CATSPER3: variants seen among roughly 807,000 people sequenced by gnomAD.
The protein encoded by CATSPER3 is cation channel sperm associated 3.
CATSPER3 carries 23 observed loss-of-function variants against 36.6 expected under a neutral mutation model. The observed-to-expected ratio is 0.63, with a 90% CI of 0.45 to 0.89. The LOEUF is 0.89. Ranked by LOEUF, CATSPER3 falls within the 40% of genes least tolerant of loss-of-function variation. CATSPER3 has a pLI of 0.00. For synonymous variants in CATSPER3, 172 were observed against 184.1 expected (o/e 0.93, Z 0.53); for missense variants, 474 against 503.9 (o/e 0.94, Z 0.57).
intron 3 of CATSPER3, among the ~76,000 whole-genome samples, chr5:134,998,061 A>G (rs1234996562): frequency 6.6e-6 from 1 of 151,924 alleles, no homozygotes; most frequent in East Asian, 1.9e-4. Flanking sequence ...TCCTAATACT[A>G]TCCCTCCCCG....
intron 1 of CATSPER3, chr5:134,968,362 C>G: frequency 4.8e-6 from 2 of 418,534 alleles, no homozygotes; most frequent in South Asian, 4.4e-5. Context: ...CATCTCAAAT[C>G]AGATAATGAA....
At chr5:134,975,556 T>G (rs1218435531) in intron 2 of CATSPER3, among the ~76,000 whole-genome samples, 2 of 152,184 alleles carry the variant, frequency 1.3e-5, no homozygotes, top group Non-Finnish European at 2.9e-5. Flanking sequence ...AAGGCTGTAG[T>G]GAGCCATGAT....
intron 2 of CATSPER3, among the ~76,000 whole-genome samples, chr5:134,974,634 T>TGAA (rs1260466306): frequency 6.6e-6 from 1 of 152,078 alleles, no homozygotes; most frequent in East Asian, 1.9e-4. Flanking sequence ...ATACTCTTCT[T>TGAA]ATCTTTAGGA....
chr5:134,980,490 G>A (rs1364162198), intron 2 of CATSPER3, among the ~76,000 whole-genome samples: 1 of 146,114 alleles, frequency 6.8e-6, no homozygotes, highest in Non-Finnish European at 1.5e-5. Flanking sequence ...GAGTGCTGTG[G>A]TGTGATCTTG....
chr5:134,996,061 C>G (rs1320144893), intron 2 of CATSPER3, among the ~76,000 whole-genome samples: 1 of 152,222 alleles, frequency 6.6e-6, no homozygotes, highest in East Asian at 1.9e-4. Flanking sequence ...TCAGACCCAG[C>G]CCCAGGTGTA....
chr5:135,009,222 G>A (rs1441326761), intron 5 of CATSPER3, 149 bp from the exon 6 acceptor site: 26 of 980,674 alleles, frequency 2.7e-5, no homozygotes, highest in Non-Finnish European at 3.7e-5. Context: ...TGCAGCTACA[G>A]TTGGCAGCTT....
intron 1 of CATSPER3, chr5:134,968,594 G>A (rs1751562598): frequency 6.3e-6 from 1 of 159,986 alleles, no homozygotes; most frequent in African/African-American, 2.4e-5. Flanking sequence ...AGGATGCTGA[G>A]GCAGGAGAAT....
intron 2 of CATSPER3, among the ~76,000 whole-genome samples, chr5:134,985,920 C>T (rs987681218): frequency 6.6e-6 from 1 of 151,208 alleles, no homozygotes; most frequent in Non-Finnish European, 1.5e-5. Flanking sequence ...CTGACAAAAT[C>T]CCCCCAAACA....
At chr5:134,975,881 A>T (rs1354010522) in intron 2 of CATSPER3, among the ~76,000 whole-genome samples, 1 of 152,230 alleles carries the variant, frequency 6.6e-6, no homozygotes, top group Non-Finnish European at 1.5e-5. Flanking sequence ...CTAAGTGTTC[A>T]TCAATGGATG....
chr5:135,011,449 G>A, intron 7 of CATSPER3, 72 bp from the exon 8 acceptor site: 2 of 1,075,064 alleles, frequency 1.9e-6, no homozygotes, highest in South Asian at 2.6e-5. Context: ...CAAACGTGTG[G>A]TCAGTGGGGC....
At chr5:134,997,078 C>T (rs186687796) in intron 3 of CATSPER3, among the ~76,000 whole-genome samples, 1 of 152,254 alleles carries the variant, frequency 6.6e-6, no homozygotes, top group Admixed American at 6.5e-5. Flanking sequence ...GGCTGCCCCC[C>T]TGCCTTGAAT....
chr5:134,986,925 G>T (rs1005490400), intron 2 of CATSPER3, among the ~76,000 whole-genome samples: 4 of 152,048 alleles, frequency 2.6e-5, no homozygotes, highest in Non-Finnish European at 5.9e-5. Context: ...AAGAAGAAAG[G>T]TCTCAAATCA....
chr5:135,010,199 C>T (rs1752163724), intron 6 of CATSPER3, among the ~76,000 whole-genome samples, 174 bp from the exon 7 acceptor site: 1 of 152,168 alleles, frequency 6.6e-6, no homozygotes, highest in South Asian at 2.1e-4. Context: ...GGCCGCCTCA[C>T]CCCGGAGTCC....
chr5:134,997,671 G>A (rs1160145525), intron 3 of CATSPER3, among the ~76,000 whole-genome samples: 2 of 152,066 alleles, frequency 1.3e-5, no homozygotes, highest in Non-Finnish European at 2.9e-5. Context: ...GCTCATACAC[G>A]CTGTTTTCTC....
At chr5:134,996,626 G>C (rs13182891) in intron 3 of CATSPER3, 114 bp downstream of exon 3, 5 of 979,196 alleles carry the variant, frequency 5.1e-6, no homozygotes, top group Non-Finnish European at 7.9e-6. Context: ...TGAGTCCAAC[G>C]TGTGTGGCAG....
At chr5:134,990,041 C>T (rs1751858747) in intron 2 of CATSPER3, among the ~76,000 whole-genome samples, 1 of 152,160 alleles carries the variant, frequency 6.6e-6, no homozygotes, top group Admixed American at 6.5e-5. Flanking sequence ...GTCAGTGGAG[C>T]AGTCCGAACA....
At chr5:135,006,540 GA>G (rs147181736) in intron 3 of CATSPER3, among the ~76,000 whole-genome samples, 34 of 149,896 alleles carry the variant, frequency 2.3e-4, no homozygotes, top group African/African-American at 7.1e-4. Context: ...AAGGCATTAA[GA>G]AAAAAAAAAT....
intron 2 of CATSPER3, among the ~76,000 whole-genome samples, chr5:134,991,701 G>A (rs536085607): frequency 1.3e-5 from 2 of 152,268 alleles, no homozygotes; most frequent in South Asian, 4.1e-4. Flanking sequence ...AGAAAACATA[G>A]GGGTAAATCT....
chr5:134,988,158 A>G (rs1054185074), intron 2 of CATSPER3, among the ~76,000 whole-genome samples: 5 of 152,182 alleles, frequency 3.3e-5, no homozygotes, highest in Admixed American at 6.5e-5. Context: ...TTAAAAAAGT[A>G]TATACTTTAA....
Sources: gnomAD v4.1 joint callset for allele counts (sites outside exome capture counted in the v4.1 genomes callset) on GRCh38, gnomAD v4.1.1 for gene constraint, MANE v1.5 for transcripts, NCBI Gene and HGNC (gene_info 2026-07-23, HGNC 2026-07-21) for gene names.